The following ERICH2 variants were observed in gnomAD, a reference collection of about 807,000 sequenced individuals.
ERICH2 encodes glutamate rich 2.
In ERICH2, 17 loss-of-function variants were observed where a neutral mutation model predicts 17.4. The observed-to-expected ratio is 0.98, with a 90% CI of 0.67 to 1.47. The LOEUF (loss-of-function observed/expected upper bound fraction) is 1.47. Ranked by LOEUF, ERICH2 falls within the 40% of genes most tolerant of loss-of-function variation. ERICH2 has a pLI of 0.00. For missense variants in ERICH2, 186 were observed against 183.2 expected (o/e 1.01, Z -0.09); for synonymous variants, 51 against 61.1 (o/e 0.83, Z 0.77).
upstream of ERICH2, chr2:170,783,323 G>C (rs1701073965): frequency 6.5e-6 from 1 of 154,014 alleles, no homozygotes; most frequent in African/African-American, 2.4e-5. Flanking sequence ...TTTTAGGTGG[G>C]TGGATCACTT....
rs372990575 is a variant in ERICH2 at position 170,792,950 on chromosome 2, ATCT to A, written c.274+34_274+36del. ...GTACAAAATACTTTCATATTTTCTA[ATCT>A]TCTCTTTGTTTTCAAAAATGAATTC... On this transcript the variant is annotated intron_variant, in intron 3 of 4. Coordinates refer to ENST00000409885, the Ensembl canonical transcript of ERICH2. The A allele has an allele frequency of 2.9e-4, 385 of 1,337,810 alleles. 1 individual carries two copies. The African/African-American group carries it at 3.8e-3, about 13-fold the overall frequency. The allele number at this position is 1,337,810 out of a possible 1,614,324, so 82.9% of individuals were successfully genotyped here.
At chr2:170,777,594 C>T in the ERICH2 span, 333,437 of 1,147,696 alleles carry the variant, frequency 0.29, 50,277 homozygotes, top group South Asian at 0.36. Context: ...AAGTGTATGT[C>T]AGGGACATCA....
intron 2 of ERICH2, among the ~76,000 whole-genome samples, chr2:170,791,911 T>C (rs1301343887): frequency 6.6e-6 from 1 of 152,142 alleles, no homozygotes; most frequent in African/African-American, 2.4e-5. Context: ...TATCTGGAAG[T>C]ATATGAGAAG....
At chr2:170,787,853 T>A (rs1414776967) in intron 2 of ERICH2, among the ~76,000 whole-genome samples, 1 of 152,226 alleles carries the variant, frequency 6.6e-6, no homozygotes, top group African/African-American at 2.4e-5. Flanking sequence ...TTTGTTTCCC[T>A]ACTCTAAGAA....
chr2:170,771,266 A>G, the ERICH2 span: 3 of 150,398 alleles, frequency 2.0e-5, no homozygotes, highest in African/African-American at 4.9e-5. This position sits in a 1 kb window ranked among gnomAD's most constrained non-coding sequence, Gnocchi z 4.8. Context: ...ACAGCAGACC[A>G]CCCCCAGACC....
chr2:170,772,485 C>T, the ERICH2 span, among the ~76,000 whole-genome samples: 5 of 152,158 alleles, frequency 3.3e-5, no homozygotes, highest in Admixed American at 6.5e-5. Flanking sequence ...AACTGAATCA[C>T]AGAGAGGTTA....
intron 3 of ERICH2, among the ~76,000 whole-genome samples, 180 bp downstream of exon 8, chr2:170,793,100 A>C (rs995210967): frequency 5.9e-5 from 9 of 152,266 alleles, no homozygotes; most frequent in Non-Finnish European, 1.3e-4. Flanking sequence ...TCTAGAGTAC[A>C]TTTTAGTGGA....
chr2:170,789,554 G>A (rs538772876), intron 2 of ERICH2, among the ~76,000 whole-genome samples: 11 of 151,682 alleles, frequency 7.3e-5, no homozygotes, highest in Admixed American at 1.3e-4. Context: ...TCTTTATTTC[G>A]AATATCACAA....
chr2:170,783,037 A>G (rs1701066951), upstream of ERICH2: 1 of 152,180 alleles, frequency 6.6e-6, no homozygotes. Flanking sequence ...GTTAAAGGCT[A>G]CAGTGAACTA....
chr2:170,797,925 A>G, intron 3 of ERICH2, 116 bp from the exon 9 acceptor site: 1 of 661,430 alleles, frequency 1.5e-6, no homozygotes. Flanking sequence ...GTTAGTGTTT[A>G]TTGCATTGTG....
At chr2:170,797,023 G>A (rs1191069050) in intron 3 of ERICH2, among the ~76,000 whole-genome samples, 1 of 152,132 alleles carries the variant, frequency 6.6e-6, no homozygotes, top group Non-Finnish European at 1.5e-5. Context: ...TATTGTTGTG[G>A]TCCAAAAGAA....
At chr2:170,784,151 A>C (rs1397358334) in intron 1 of ERICH2, among the ~76,000 whole-genome samples, 1 of 152,158 alleles carries the variant, frequency 6.6e-6, no homozygotes, top group Non-Finnish European at 1.5e-5. Context: ...AGGCACTCAA[A>C]ATCATACAAG....
chr2:170,783,731 T>A (rs1701081832), upstream of ERICH2: 16 of 1,480,930 alleles, frequency 1.1e-5, no homozygotes, highest in Non-Finnish European at 1.5e-5. Context: ...TCCTGTGACA[T>A]CACAAAATGT....
Position 170,792,906 on chromosome 2 carries a change from A to G in ERICH2, c.260A>G (p.Lys87Arg). The stretch of plus-strand genomic sequence containing the variant: ...GCCCGAGAGTACCAGCTGGCAAAAA[A>G]ATTATGTCAGATGAGTAAGTACAAA... Residue 87 changes from lysine to arginine, a missense_variant, in exon 3 of 5, where the codon AAA becomes AGA. By Grantham distance (26) the Lys-to-Arg change is conservative. Coordinates refer to ENST00000409885, the Ensembl canonical transcript of ERICH2. 3.3e-6 allele frequency: 5 copies of G among 1,514,384 alleles called. No individual in the cohort carries two copies. The South Asian group carries it at 6.4e-5, about 19-fold the overall frequency. 93.8% of individuals were successfully genotyped at this position (1,514,384 alleles called of 1,614,324 possible).
intron 2 of ERICH2, 50 bp from the exon 8 acceptor site, chr2:170,792,813 G>A: frequency 1.7e-6 from 2 of 1,170,500 alleles, no homozygotes; most frequent in Non-Finnish European, 2.4e-6. Context: ...AGGGAGTTTA[G>A]AGTTGACAAC....
At chr2:170,796,444 T>TTTTTG (rs1701423887) in intron 3 of ERICH2, among the ~76,000 whole-genome samples, 1 of 129,270 alleles carries the variant, frequency 7.7e-6, no homozygotes, top group Non-Finnish European at 1.8e-5. Flanking sequence ...TTTTTTGTTT[T>TTTTTG]TTTTTTTTTG....
At chr2:170,779,333 G>A (rs1228220125), upstream of ERICH2, among the ~76,000 whole-genome samples, 1 of 152,078 alleles carries the variant, frequency 6.6e-6, no homozygotes, top group Non-Finnish European at 1.5e-5. Flanking sequence ...GTTGGGTTAG[G>A]GAAAACTAAA....
chr2:170,773,114 A>G, the ERICH2 span, among the ~76,000 whole-genome samples: 2 of 151,868 alleles, frequency 1.3e-5, no homozygotes, highest in Non-Finnish European at 2.9e-5. Flanking sequence ...TGGTTGCATG[A>G]CTCCTAAACT....
chr2:170,796,440 G>GGTTTTTT (rs1553569093), intron 3 of ERICH2, among the ~76,000 whole-genome samples: 1 of 83,452 alleles, frequency 1.2e-5, no homozygotes, highest in African/African-American at 3.7e-5. Context: ...TTTTTTTTTT[G>GGTTTTTT]TTTTTTTTTT....
Sources: gnomAD v4.1 joint callset for allele counts (sites outside exome capture counted in the v4.1 genomes callset) on GRCh38, gnomAD v4.1.1 for gene constraint, Gnocchi (gnomAD v3.1) non-coding constraint, MANE v1.5 for transcripts, NCBI Gene and HGNC (gene_info 2026-07-23, HGNC 2026-07-21) for gene names.